MAST4: variants seen among roughly 807,000 people sequenced by gnomAD.
MAST4 encodes microtubule-associated serine/threonine-protein kinase 4.
A neutral mutation model predicts 162.7 loss-of-function variants in MAST4; 89 were observed. That is an observed-to-expected ratio of 0.55 (90% confidence interval 0.46 to 0.65). The LOEUF (loss-of-function observed/expected upper bound fraction) is 0.65. MAST4 is among the 30% of genes least tolerant of loss of function. The pLI, the probability that MAST4 is intolerant of heterozygous loss-of-function variation, is 0.00. For synonymous variants in MAST4, 1,479 were observed against 1,361.1 expected, an observed-to-expected ratio of 1.09 and a Z score of -1.91; for missense variants, 3,153 against 3,374.0, an observed-to-expected ratio of 0.93 and a Z score of 1.62.
chr5:66,605,221 G>A (rs935819983), intron 1 of MAST4, among the ~76,000 whole-genome samples: 2 of 152,144 alleles, frequency 1.3e-5, no homozygotes, highest in African/African-American at 2.4e-5. Flanking sequence ...TGGCTCTGAG[G>A]ATACTTAGAT....
rs115638291 is a variant in MAST4, at chr5:66,827,007, G to A, written c.642+38213G>A. ...GAAGAGCCAGATTTTCTCTTTGCAGGAACAGATTAAAGTGCAGGTGAGCCT... is the reference window on the plus strand; with the variant it reads ...GAAGAGCCAGATTTTCTCTTTGCAGAAACAGATTAAAGTGCAGGTGAGCCT... On this transcript the variant is annotated intron_variant, in intron 3 of 28. Transcript: ENST00000403625. Among the ~76,000 whole-genome samples, 1,372 of 152,204 alleles carry A rather than the reference G, an allele frequency of 9.0e-3. 25 individuals are homozygous for A. The highest frequency in any genetic ancestry group is 0.031 in the African/African-American group (1,273 of 41,532).
chr5:66,852,444 C>A (rs1759382513), intron 3 of MAST4, among the ~76,000 whole-genome samples: 1 of 152,124 alleles, frequency 6.6e-6, no homozygotes, highest in South Asian at 2.1e-4. Context: ...CCGTGCCTGG[C>A]CTATTAACTC....
At chr5:66,958,195 T>C (rs1745563201) in intron 4 of MAST4, among the ~76,000 whole-genome samples, 1 of 152,182 alleles carries the variant, frequency 6.6e-6, no homozygotes, top group Non-Finnish European at 1.5e-5. Flanking sequence ...TGCCTTGTAG[T>C]ACTTGAAAAT....
At position 66,609,569 on chromosome 5, in the gene MAST4, T is replaced by A. The variant is rs537475110; in HGVS notation, c.363+12551T>A. On this transcript the variant is annotated intron_variant, in intron 1 of 28. Transcript: ENST00000403625. Reference sequence around the variant, plus strand: ...CACGGCCAGCTAATTTTTTTTTTTTTAAATACTGGGTTTTGCCATGCTGCC... The same window carrying A: ...CACGGCCAGCTAATTTTTTTTTTTTAAAATACTGGGTTTTGCCATGCTGCC... Among the ~76,000 whole-genome samples the A allele has an allele frequency of 2.6e-5, 4 of 151,434 alleles. No individual in the cohort carries two copies. In the East Asian group the frequency reaches 5.8e-4, roughly 22 times the overall value.
intron 1 of MAST4, among the ~76,000 whole-genome samples, chr5:66,745,509 A>G (rs549028934): frequency 6.6e-6 from 1 of 152,360 alleles, no homozygotes; most frequent in African/African-American, 2.4e-5. Context: ...TTAATGATCA[A>G]TATACAGCTC....
intron 4 of MAST4, among the ~76,000 whole-genome samples, chr5:66,920,447 A>G (rs1350787281): frequency 2.6e-5 from 4 of 152,246 alleles, no homozygotes; most frequent in Non-Finnish European, 2.9e-5. Context: ...AAAAATCAAT[A>G]AATAACAGGT....
At chr5:66,659,619 G>C (rs931150018) in intron 1 of MAST4, among the ~76,000 whole-genome samples, 5 of 152,054 alleles carry the variant, frequency 3.3e-5, no homozygotes, top group African/African-American at 1.2e-4. Flanking sequence ...TGCATTTTTT[G>C]TTATCATGTA....
intron 3 of MAST4, chr5:66,792,156 T>C (rs1755442405): frequency 1.2e-5 from 2 of 167,180 alleles, no homozygotes; most frequent in African/African-American, 2.4e-5. Context: ...ACACCTTGTA[T>C]AATTTTTTCT....
At chr5:66,684,977 G>A (rs749724428) in intron 1 of MAST4, among the ~76,000 whole-genome samples, 2 of 152,142 alleles carry the variant, frequency 1.3e-5, no homozygotes, top group Non-Finnish European at 2.9e-5. Context: ...AAAAAGAATA[G>A]CTGGCCAGGT....
At chr5:66,834,989 G>A (rs189152310) in intron 3 of MAST4, among the ~76,000 whole-genome samples, 7 of 152,202 alleles carry the variant, frequency 4.6e-5, no homozygotes, top group African/African-American at 1.7e-4. Context: ...TTTATCTCCT[G>A]GATTCCCAGG....
intron 14 of MAST4, 23 bp downstream of exon 14, chr5:67,121,125 T>C: frequency 2.6e-6 from 4 of 1,523,990 alleles, no homozygotes; most frequent in Non-Finnish European, 3.6e-6. Context: ...AGAAAAGCTC[T>C]CTATTGTATT....
chr5:66,937,375 C>T (rs1441599060), intron 4 of MAST4, among the ~76,000 whole-genome samples: 6 of 152,118 alleles, frequency 3.9e-5, no homozygotes, highest in Non-Finnish European at 8.8e-5. Flanking sequence ...TCTGAATCTC[C>T]AAGACCTCAA....
intron 3 of MAST4, among the ~76,000 whole-genome samples, chr5:66,811,223 A>C (rs1490711048): frequency 6.6e-6 from 1 of 152,182 alleles, no homozygotes; most frequent in Non-Finnish European, 1.5e-5. Context: ...CTGCTGAGGA[A>C]TCCTAGGCTG....
chr5:67,030,552 TG>T (rs1275479366), intron 4 of MAST4, among the ~76,000 whole-genome samples: 11 of 152,136 alleles, frequency 7.2e-5, no homozygotes, highest in Non-Finnish European at 1.2e-4. Context: ...AGAGCAGGCC[TG>T]GGGCAAATTG....
At chr5:66,769,235 G>T (rs1754252317) in intron 2 of MAST4, among the ~76,000 whole-genome samples, 1 of 152,150 alleles carries the variant, frequency 6.6e-6, no homozygotes, top group South Asian at 2.1e-4. Context: ...GAGTGGTGAG[G>T]AGGGTGGACC....
intron 4 of MAST4, among the ~76,000 whole-genome samples, chr5:66,976,568 T>C (rs1308888593): frequency 6.6e-6 from 1 of 152,210 alleles, no homozygotes; most frequent in Non-Finnish European, 1.5e-5. Context: ...TCTCATGCTC[T>C]CCCTCTGCCC....
chr5:66,618,020 A>G (rs1157747073), intron 1 of MAST4, among the ~76,000 whole-genome samples: 1 of 130,412 alleles, frequency 7.7e-6, no homozygotes, highest in Non-Finnish European at 1.8e-5. Context: ...GGAGACCCTC[A>G]TTCTGGGAGG....
At chr5:66,845,126 T>TATACACAC (rs1358855625) in intron 3 of MAST4, among the ~76,000 whole-genome samples, 718 of 67,060 alleles carry the variant, frequency 0.011, 2 homozygotes, top group African/African-American at 0.019. Flanking sequence ...TATATATATA[T>TATACACAC]ACACACACAC....
At chr5:67,024,312 T>G (rs917765482) in intron 4 of MAST4, among the ~76,000 whole-genome samples, 3 of 140,206 alleles carry the variant, frequency 2.1e-5, no homozygotes, top group African/African-American at 8.9e-5. Context: ...ACAAGGAAGA[T>G]ATATATATAT....
Sources: allele counts gnomAD v4.1 joint callset (sites outside exome capture counted in the v4.1 genomes callset), GRCh38; gene constraint gnomAD v4.1.1; transcripts MANE v1.5; gene names NCBI Gene and HGNC (gene_info 2026-07-23, HGNC 2026-07-21).